The following FTO variants were observed in gnomAD, a reference collection of about 807,000 sequenced individuals.
The protein encoded by FTO is FTO alpha-ketoglutarate dependent dioxygenase.
Under a neutral mutation model 63.9 loss-of-function variants are expected in FTO, and 47 were observed. The observed-to-expected ratio is 0.74, with a 90% CI of 0.58 to 0.94. The LOEUF is 0.94. Ranked by LOEUF, FTO falls within the 40% of genes least tolerant of loss-of-function variation. The pLI is 0.00. For missense variants in FTO, 562 were observed against 618.1 expected, an observed-to-expected ratio of 0.91 and a Z score of 0.96; for synonymous variants, 207 against 224.4, an observed-to-expected ratio of 0.92 and a Z score of 0.69.
At chr16:53,744,457 T>C (rs1474749787) in intron 1 of FTO, among the ~76,000 whole-genome samples, 2 of 152,150 alleles carry the variant, frequency 1.3e-5, no homozygotes, top group Non-Finnish European at 2.9e-5. Context: ...TCCCCAGTTG[T>C]GGTGGTGATT....
chr16:53,964,044 C>T (rs188550501), intron 8 of FTO, among the ~76,000 whole-genome samples: 14 of 152,324 alleles, frequency 9.2e-5, no homozygotes, highest in East Asian at 3.9e-4. Context: ...TGAGCCACCG[C>T]GCCCGGCCTA....
chr16:54,101,886 G>A (rs2144597707), intron 8 of FTO, among the ~76,000 whole-genome samples: 1 of 152,222 alleles, frequency 6.6e-6, no homozygotes, highest in East Asian at 1.9e-4. Flanking sequence ...TCTCATTGTG[G>A]TTTTGATTTG....
intron 8 of FTO, among the ~76,000 whole-genome samples, chr16:54,063,289 C>G (rs1305021950): frequency 6.6e-6 from 1 of 152,112 alleles, no homozygotes; most frequent in Non-Finnish European, 1.5e-5. Context: ...AAGGGACAAG[C>G]GGAAGCAGGG....
intron 1 of FTO, among the ~76,000 whole-genome samples, chr16:53,778,436 G>T (rs1374335587): frequency 6.6e-6 from 1 of 152,074 alleles, no homozygotes; most frequent in African/African-American, 2.4e-5. Flanking sequence ...GGTACCGCTG[G>T]CTTGATTAGT....
intron 8 of FTO, among the ~76,000 whole-genome samples, chr16:54,074,940 G>C (rs918847878): frequency 7.4e-5 from 11 of 149,594 alleles, no homozygotes; most frequent in Non-Finnish European, 1.3e-4. Flanking sequence ...GTGTGTGTGT[G>C]TGTGTGTGTG....
chr16:54,009,683 A>G (rs938493108), intron 8 of FTO, among the ~76,000 whole-genome samples: 3 of 152,158 alleles, frequency 2.0e-5, no homozygotes, highest in African/African-American at 4.8e-5. Flanking sequence ...TTGTGCCAAT[A>G]GTAGTTGCCA....
At chr16:53,818,013 A>C (rs2078747876) in intron 2 of FTO, among the ~76,000 whole-genome samples, 1 of 152,230 alleles carries the variant, frequency 6.6e-6, no homozygotes, top group Non-Finnish European at 1.5e-5. Context: ...AAAAAAGCCT[A>C]ACATATTTGA....
chr16:54,100,617 T>G (rs1354087258), intron 8 of FTO, among the ~76,000 whole-genome samples: 1 of 152,190 alleles, frequency 6.6e-6, no homozygotes, highest in Non-Finnish European at 1.5e-5. Context: ...CTTCCCAAAG[T>G]GCTGGGATAA....
intron 4 of FTO, among the ~76,000 whole-genome samples, chr16:53,868,262 T>G (rs1567378559): frequency 1.3e-5 from 2 of 152,168 alleles, no homozygotes; most frequent in Admixed American, 6.5e-5. Context: ...TTTTTTCCCC[T>G]GTTTTTGTCT....
intron 1 of FTO, among the ~76,000 whole-genome samples, chr16:53,747,088 T>C (rs929599500): frequency 2.6e-5 from 4 of 152,234 alleles, no homozygotes; most frequent in African/African-American, 9.6e-5. Flanking sequence ...ATGTCACATT[T>C]TCTTTGTCCA....
At chr16:54,050,847 A>G (rs1266074659) in intron 8 of FTO, among the ~76,000 whole-genome samples, 1 of 152,144 alleles carries the variant, frequency 6.6e-6, no homozygotes, top group Non-Finnish European at 1.5e-5. Flanking sequence ...GCTCCAACAA[A>G]TCAACAGAAC....
At chr16:53,765,702 C>T (rs1344382866) in intron 1 of FTO, among the ~76,000 whole-genome samples, 1 of 151,942 alleles carries the variant, frequency 6.6e-6, no homozygotes, top group African/African-American at 2.4e-5. Flanking sequence ...ATGTGAACTC[C>T]AAAGGATGAC....
chr16:53,808,064 GGAGGCCAAGGCGGGCAGATCATTT>G (rs1007692762), intron 1 of FTO, among the ~76,000 whole-genome samples: 6 of 151,986 alleles, frequency 3.9e-5, no homozygotes, highest in South Asian at 2.1e-4. Flanking sequence ...CAGCACTTTG[GGAGGCCAAGGCGGGCAGATCATTT>G]GAGGCCAAGG....
At chr16:53,811,969 C>A (rs540457134) in intron 2 of FTO, among the ~76,000 whole-genome samples, 3 of 152,034 alleles carry the variant, frequency 2.0e-5, no homozygotes. Flanking sequence ...TGTGCCACCA[C>A]GCCTGGCTAA....
At chr16:53,947,766 T>C (rs1350329495) in intron 8 of FTO, among the ~76,000 whole-genome samples, 2 of 152,248 alleles carry the variant, frequency 1.3e-5, no homozygotes, top group African/African-American at 4.8e-5. Flanking sequence ...TTTTAATGAC[T>C]GAACACAAGT....
rs76575369 is a variant in FTO, at chr16:53,931,377, G to C, written c.1240-2608G>C. Among the ~76,000 whole-genome samples, 3 of 147,362 alleles carry C rather than the reference G, an allele frequency of 2.0e-5. No homozygotes were observed. The South Asian group carries it at 6.4e-4, about 32-fold the overall frequency. ...GTTGGAGTGCAATGGCGCGATCTTG[G>C]CTCACTGCAACCTCCGCCTCCTGGG... On this transcript the variant is annotated intron_variant, in intron 7 of 8. Coordinates refer to ENST00000471389, the MANE Select transcript of FTO (RefSeq NM_001080432.3).
intron 1 of FTO, among the ~76,000 whole-genome samples, chr16:53,754,900 C>T (rs1243737772): frequency 6.6e-6 from 1 of 152,172 alleles, no homozygotes; most frequent in East Asian, 1.9e-4. Context: ...GATCGTATGA[C>T]AATATGCTGA....
In FTO at chr16:53,826,419, G is replaced by T. The variant is rs774078678; in HGVS notation, c.679G>T (p.Ala227Ser). ...ACCTTATTTTGGCATGGGGAAAATG[G>T]CAGTGAGCTGGCATCATGATGAAAA... Reference protein sequence around the residue: ...EEPYFGMGKMAVSWHHDENLV... With the variant: ...EEPYFGMGKMSVSWHHDENLV... Residue 227 changes from alanine (A) to serine (S), a missense_variant, in exon 3 of 9, where the codon GCA becomes TCA. Physicochemically the swap from Ala to Ser is moderately conservative, Grantham distance 99. Transcript: ENST00000471389. 3 of 1,614,030 alleles carry T rather than the reference G, an allele frequency of 1.9e-6. No homozygotes were observed. Among genetic ancestry groups the T allele is most frequent in the African/African-American group, 2.7e-5 (2 of 74,922 alleles).
At chr16:54,100,427 A>G (rs1322021469) in intron 8 of FTO, among the ~76,000 whole-genome samples, 2 of 152,144 alleles carry the variant, frequency 1.3e-5, no homozygotes, top group Non-Finnish European at 2.9e-5. Flanking sequence ...ATCACGGCTC[A>G]CTGTACCTTC....
Sources: gnomAD v4.1 joint callset for allele counts (sites outside exome capture counted in the v4.1 genomes callset) on GRCh38, gnomAD v4.1.1 for gene constraint, MANE v1.5 for transcripts, NCBI Gene and HGNC (gene_info 2026-07-23, HGNC 2026-07-21) for gene names.